FSTL5: variants seen among roughly 807,000 people sequenced by gnomAD.
The protein encoded by FSTL5 is follistatin like 5, also known as follistatin-related protein 5.
Under a neutral mutation model 89.1 loss-of-function variants are expected in FSTL5, and 62 were observed. That is an observed-to-expected ratio of 0.70 (90% confidence interval 0.57 to 0.86). The LOEUF (loss-of-function observed/expected upper bound fraction) is 0.86, where lower values mean the gene tolerates loss of function less well. Ranked by LOEUF, FSTL5 falls within the 40% of genes least tolerant of loss-of-function variation. FSTL5 has a pLI of 0.00. For missense variants in FSTL5, 1,057 were observed against 1,001.6 expected (o/e 1.06, Z -0.75); for synonymous variants, 383 against 346.2 (o/e 1.11, Z -1.18).
intron 15 of FSTL5, among the ~76,000 whole-genome samples, chr4:161,420,690 T>C (rs1731955502): frequency 6.6e-6 from 1 of 151,406 alleles, no homozygotes. Flanking sequence ...TATATTTCCA[T>C]GTATTGAGGA....
chr4:161,838,435 A>G (rs1731114661), intron 4 of FSTL5, among the ~76,000 whole-genome samples: 1 of 151,908 alleles, frequency 6.6e-6, no homozygotes, highest in Non-Finnish European at 1.5e-5. Flanking sequence ...GGCACCCACC[A>G]CCGCGCCCGG....
At chr4:161,962,936 C>A (rs190192284) in intron 3 of FSTL5, among the ~76,000 whole-genome samples, 83 of 152,034 alleles carry the variant, frequency 5.5e-4, no homozygotes, top group African/African-American at 1.9e-3. Context: ...CAGCAGAATC[C>A]ATTCTTCCTT....
At chr4:161,639,182 A>C (rs1166198302) in intron 7 of FSTL5, among the ~76,000 whole-genome samples, 8 of 151,922 alleles carry the variant, frequency 5.3e-5, no homozygotes. Context: ...ATTTCCTCTT[A>C]GTTCTGAAAA....
intron 5 of FSTL5, among the ~76,000 whole-genome samples, chr4:161,769,408 C>A (rs1074660): frequency 6.6e-6 from 1 of 151,762 alleles, no homozygotes; most frequent in African/African-American, 2.4e-5. Context: ...GGCCAATATT[C>A]CTGATAAACA....
chr4:161,781,418 T>G, intron 4 of FSTL5, among the ~76,000 whole-genome samples: 1 of 152,156 alleles, frequency 6.6e-6, no homozygotes, highest in East Asian at 1.9e-4. Flanking sequence ...TTTTGAACTT[T>G]ACTTAAGTGT....
rs1444354789 is a variant in FSTL5, at chr4:162,093,790, T to C, written c.126+17481A>G. 2.6e-5 allele frequency among the ~76,000 whole-genome samples: 4 copies of C among 152,184 alleles called. No individual in the cohort carries two copies. In the East Asian group the frequency reaches 7.7e-4, roughly 29 times the overall value. On this transcript the variant is annotated intron_variant, in intron 2 of 15. Coordinates refer to ENST00000306100, the MANE Select transcript of FSTL5 (RefSeq NM_020116.5). The stretch of plus-strand genomic sequence containing the variant: ...CAAATTTACAATCGAATAATGACTC[T>C]TGTTCTAAATTAGATATTACATACT...
chr4:161,468,746 C>T (rs1733833707), intron 13 of FSTL5, among the ~76,000 whole-genome samples: 3 of 152,030 alleles, frequency 2.0e-5, no homozygotes, highest in Admixed American at 6.5e-5. Flanking sequence ...TTAAATTTTA[C>T]TAGCATGATT....
chr4:161,516,875 G>T (rs934049849), intron 10 of FSTL5, among the ~76,000 whole-genome samples: 1 of 151,124 alleles, frequency 6.6e-6, no homozygotes, highest in African/African-American at 2.4e-5. Flanking sequence ...TATTTTAAGG[G>T]ATATCCTTAC....
intron 6 of FSTL5, among the ~76,000 whole-genome samples, chr4:161,752,593 T>A (rs1560825788): frequency 6.6e-6 from 1 of 152,036 alleles, no homozygotes; most frequent in Non-Finnish European, 1.5e-5. Flanking sequence ...AAGACTTCAC[T>A]TTTTTTTCCC....
intron 5 of FSTL5, among the ~76,000 whole-genome samples, chr4:161,769,100 A>G (rs1741118515): frequency 6.6e-6 from 1 of 151,992 alleles, no homozygotes; most frequent in South Asian, 2.1e-4. Flanking sequence ...GAAGAAATGG[A>G]TAACTTTCTA....
chr4:162,077,206 G>A (rs1411890905), intron 2 of FSTL5, among the ~76,000 whole-genome samples: 2 of 151,766 alleles, frequency 1.3e-5, no homozygotes, highest in African/African-American at 4.8e-5. Flanking sequence ...GCACGAGAGG[G>A]CAAGAGAGTG....
intron 3 of FSTL5, among the ~76,000 whole-genome samples, chr4:162,029,615 C>T (rs963656523): frequency 6.6e-6 from 1 of 152,084 alleles, no homozygotes; most frequent in Non-Finnish European, 1.5e-5. Context: ...GTCCTAGACA[C>T]TTTCTTAGAA....
intron 10 of FSTL5, among the ~76,000 whole-genome samples, chr4:161,515,255 T>C (rs138423513): frequency 0.013 from 1,936 of 152,234 alleles, 16 homozygotes; most frequent in Non-Finnish European, 0.019. Context: ...TGGAGTGGAA[T>C]GGTGAGATCT....
chr4:161,904,255 A>C (rs1049693536), intron 4 of FSTL5, among the ~76,000 whole-genome samples: 1 of 152,110 alleles, frequency 6.6e-6, no homozygotes. Flanking sequence ...TATAAGGCTT[A>C]GCATGAAATT....
chr4:161,801,666 T>C (rs1729797489), intron 4 of FSTL5, among the ~76,000 whole-genome samples: 1 of 151,064 alleles, frequency 6.6e-6, no homozygotes, highest in South Asian at 2.1e-4. Context: ...GGTGAATATT[T>C]TATTTTATTT....
intron 4 of FSTL5, among the ~76,000 whole-genome samples, chr4:161,845,236 C>A (rs1348174763): frequency 6.6e-6 from 1 of 152,098 alleles, no homozygotes; most frequent in Admixed American, 6.5e-5. Flanking sequence ...TGCTAAATAT[C>A]TTTAAAACCA....
chr4:162,086,566 T>C (rs771942453), intron 2 of FSTL5, among the ~76,000 whole-genome samples: 1 of 152,016 alleles, frequency 6.6e-6, no homozygotes, highest in Non-Finnish European at 1.5e-5. Flanking sequence ...GGAAAATTGA[T>C]GCCATCTAAA....
chr4:161,753,163 T>C (rs1417549465), intron 6 of FSTL5, among the ~76,000 whole-genome samples: 2 of 152,152 alleles, frequency 1.3e-5, no homozygotes, highest in Non-Finnish European at 2.9e-5. Flanking sequence ...TACCTACATA[T>C]TCCCTATCTT....
chr4:161,684,731 T>C (rs1737655612), intron 6 of FSTL5, among the ~76,000 whole-genome samples: 1 of 152,206 alleles, frequency 6.6e-6, no homozygotes, highest in African/African-American at 2.4e-5. Context: ...TTCACTCTGT[T>C]GACTGTTCCT....
Sources: gnomAD v4.1 joint callset for allele counts (sites outside exome capture counted in the v4.1 genomes callset) on GRCh38, gnomAD v4.1.1 for gene constraint, MANE v1.5 for transcripts, NCBI Gene and HGNC (gene_info 2026-07-23, HGNC 2026-07-21) for gene names.